Variants in DAB1 observed in about 807,000 individuals in gnomAD.
DAB1 encodes the protein DAB adaptor protein 1.
In DAB1, 15 loss-of-function variants were observed where a neutral mutation model predicts 64.6. That is an observed-to-expected ratio of 0.23 (90% CI 0.16 to 0.36). DAB1 has a LOEUF of 0.36. Ranked by LOEUF, DAB1 falls within the 10% of genes least tolerant of loss-of-function variation. The pLI is 1.00. For synonymous variants in DAB1, 235 were observed against 251.9 expected, an observed-to-expected ratio of 0.93 and a Z score of 0.64; for missense variants, 596 against 706.7, an observed-to-expected ratio of 0.84 and a Z score of 1.78.
chr1:57,304,432 C>T lies in DAB1; in HGVS notation c.-136-13266G>A, dbSNP rs544725799. Among the ~76,000 whole-genome samples the T allele has an allele frequency of 2.0e-4, 31 of 151,360 alleles. No homozygotes were observed. The Middle Eastern group carries it at 0.017, about 83-fold the overall frequency. On this transcript the variant is annotated intron_variant, in intron 1 of 14. Transcript: ENST00000371236. ...AGGGACACAGATCCAAACTATACCA[C>T]TGTTATCTGGTGTCTGACAAAGAAA...
At chr1:57,557,445 T>C (rs1467841536) in intron 7 of DAB1, among the ~76,000 whole-genome samples, 2 of 151,888 alleles carry the variant, frequency 1.3e-5, no homozygotes, top group Admixed American at 1.3e-4. Flanking sequence ...TATACACATA[T>C]ATGTATACAT....
intron 7 of DAB1, among the ~76,000 whole-genome samples, chr1:57,443,467 C>A (rs2101137980): frequency 6.6e-6 from 1 of 152,324 alleles, no homozygotes; most frequent in African/African-American, 2.4e-5. Context: ...TATGCCTCTT[C>A]ATCTTCATGA....
At chr1:57,274,990 G>C (rs954232597) in intron 2 of DAB1, among the ~76,000 whole-genome samples, 8 of 151,958 alleles carry the variant, frequency 5.3e-5, no homozygotes, top group Non-Finnish European at 1.2e-4. Flanking sequence ...GGAGGAGGAA[G>C]AGAACTAATA....
intron 3 of DAB1, among the ~76,000 whole-genome samples, chr1:58,479,915 T>C (rs1467325140): frequency 6.6e-6 from 1 of 152,192 alleles, no homozygotes; most frequent in Non-Finnish European, 1.5e-5. Context: ...GCCCAGTTCA[T>C]AGTAGATTCA....
intron 1 of DAB1, among the ~76,000 whole-genome samples, chr1:57,422,103 A>G (rs1570496543): frequency 6.6e-6 from 1 of 152,340 alleles, no homozygotes; most frequent in African/African-American, 2.4e-5. Flanking sequence ...ACATAAATGT[A>G]CCAACGTGAA....
chr1:57,121,601 C>A (rs1656671559), intron 4 of DAB1, among the ~76,000 whole-genome samples: 1 of 152,068 alleles, frequency 6.6e-6, no homozygotes, highest in Non-Finnish European at 1.5e-5. Context: ...CATTTTAGAA[C>A]TGAATGTGGT....
chr1:57,901,226 C>T (rs1000378782), intron 5 of DAB1, among the ~76,000 whole-genome samples: 1 of 152,096 alleles, frequency 6.6e-6, no homozygotes, highest in African/African-American at 2.4e-5. Context: ...ATTGGCCTAA[C>T]CCCTAAAGAT....
At chr1:57,097,173 T>G (rs1037020223) in intron 4 of DAB1, among the ~76,000 whole-genome samples, 2 of 152,190 alleles carry the variant, frequency 1.3e-5, no homozygotes, top group Non-Finnish European at 2.9e-5. Context: ...TGAGCAATAT[T>G]TTTCCAGTTG....
intron 5 of DAB1, among the ~76,000 whole-genome samples, chr1:58,046,426 A>G (rs911523495): frequency 1.3e-5 from 2 of 152,160 alleles, no homozygotes; most frequent in Admixed American, 1.3e-4. Context: ...TTACATAAAG[A>G]AGAACTTCTT....
intron 2 of DAB1, among the ~76,000 whole-genome samples, chr1:57,212,211 T>C (rs1666065894): frequency 6.6e-6 from 1 of 152,052 alleles, no homozygotes; most frequent in South Asian, 2.1e-4. Flanking sequence ...CCCATCCCCC[T>C]GTTTTACGAA....
chr1:57,556,145 A>G (rs964480905), intron 7 of DAB1, among the ~76,000 whole-genome samples: 2 of 152,096 alleles, frequency 1.3e-5, no homozygotes, highest in African/African-American at 4.8e-5. Context: ...TCTATGGTAT[A>G]TACATACCAC....
intron 6 of DAB1, among the ~76,000 whole-genome samples, chr1:57,780,266 T>C (rs1312257009): frequency 6.6e-6 from 1 of 152,112 alleles, no homozygotes; most frequent in Non-Finnish European, 1.5e-5. Context: ...TAACTATACA[T>C]AGCATAGGCA....
intron 6 of DAB1, among the ~76,000 whole-genome samples, chr1:57,708,025 C>A (rs754977687): frequency 1.3e-5 from 2 of 152,180 alleles, no homozygotes; most frequent in Non-Finnish European, 2.9e-5. Context: ...CATATGGGCA[C>A]TCCCATGGCC....
intron 3 of DAB1, among the ~76,000 whole-genome samples, chr1:58,424,166 G>A (rs557217798): frequency 2.0e-4 from 30 of 152,118 alleles, no homozygotes; most frequent in Non-Finnish European, 3.8e-4. Context: ...TACCATTTTC[G>A]TTCAAGTCCA....
intron 7 of DAB1, among the ~76,000 whole-genome samples, chr1:57,604,928 C>T (rs1198989135): frequency 5.3e-5 from 8 of 151,960 alleles, no homozygotes; most frequent in Admixed American, 5.2e-4. Context: ...TATCCTATCT[C>T]TTGTATCTTG....
intron 7 of DAB1, among the ~76,000 whole-genome samples, chr1:57,596,765 A>G (rs952284434): frequency 1.3e-5 from 2 of 152,192 alleles, no homozygotes; most frequent in Non-Finnish European, 2.9e-5. Context: ...ATCTACTCCT[A>G]TTTATCTCTG....
At chr1:58,110,201 C>T (rs1227670465) in intron 5 of DAB1, among the ~76,000 whole-genome samples, 1 of 152,210 alleles carries the variant, frequency 6.6e-6, no homozygotes, top group Non-Finnish European at 1.5e-5. Context: ...AGCCAAACTA[C>T]ACACAGTGGC....
chr1:58,047,158 C>T (rs901585864), intron 5 of DAB1, among the ~76,000 whole-genome samples: 2 of 152,122 alleles, frequency 1.3e-5, no homozygotes, highest in Admixed American at 6.5e-5. Context: ...AGCAGTTTCA[C>T]CCAAAAGAAA....
Position 57,963,150 on chromosome 1 carries a change from T to C in DAB1, n.388-78988A>G, listed in dbSNP as rs111975459. On this transcript the variant is annotated intron_variant and non_coding_transcript_variant, in intron 5 of 20. Coordinates refer to the DAB1 transcript ENST00000485760. Reference sequence around the variant, plus strand: ...ACTGTGCTAGGTGCTGGATATATAATGGTAAGCAAAACAAATGAGGTCCCT... The same window carrying C: ...ACTGTGCTAGGTGCTGGATATATAACGGTAAGCAAAACAAATGAGGTCCCT... Among the ~76,000 whole-genome samples, 498 of 152,262 alleles carry C rather than the reference T, an allele frequency of 3.3e-3. 3 individuals carry two copies. The highest frequency in any genetic ancestry group is 0.011 in the African/African-American group (470 of 41,548).
Sources: allele counts gnomAD v4.1 joint callset (sites outside exome capture counted in the v4.1 genomes callset), GRCh38; gene constraint gnomAD v4.1.1; transcripts MANE v1.5; gene names NCBI Gene and HGNC (gene_info 2026-07-23, HGNC 2026-07-21).